Variants in SMOC2 observed in about 807,000 individuals in gnomAD.
SMOC2 encodes SPARC related modular calcium binding 2.
In SMOC2, 39 loss-of-function variants were observed where a neutral mutation model predicts 61.4. That is an observed-to-expected ratio of 0.64 (90% confidence interval 0.49 to 0.83). The LOEUF is 0.83. Among genes scored for constraint, SMOC2 ranks in the 40% least tolerant of loss-of-function variants. The probability of loss-of-function intolerance (pLI) is 0.00; values close to 1 mark genes in which losing one functional copy is unlikely to be tolerated. For synonymous variants in SMOC2, 247 were observed against 239.9 expected (o/e 1.03, Z -0.27); for missense variants, 556 against 592.9 (o/e 0.94, Z 0.65).
chr6:168,455,944 C>G (rs866106401), intron 1 of SMOC2, among the ~76,000 whole-genome samples: 1 of 152,224 alleles, frequency 6.6e-6, no homozygotes, highest in African/African-American at 2.4e-5. Context: ...GTCTTCACCT[C>G]ACTTCCCGAT....
chr6:168,650,719 G>T lies in SMOC2; in HGVS notation c.946G>T (p.Val316Phe). Reference protein sequence around the residue: ...GAKKHEFLTSVLDALSTDMVH... With the variant: ...GAKKHEFLTSFLDALSTDMVH... ...CAAAAAGCATGAGTTTCTGACCAGC[G>T]TTCTGGACGCGCTGTCCACGGACAT... The change falls in exon 10 of 13, where the codon GTT becomes TTT. Residue 316 changes from valine to phenylalanine, a missense_variant. Val to Phe is a conservative substitution (Grantham distance 50). Coordinates refer to ENST00000356284, the MANE Select transcript of SMOC2 (RefSeq NM_001166412.2). 6.2e-7 allele frequency: 1 copy of T among 1,613,736 alleles called. No individual in the cohort carries two copies. Among genetic ancestry groups the T allele is most frequent in the Non-Finnish European group, 8.5e-7 (1 of 1,179,972 alleles).
At position 168,553,263 on chromosome 6, in the gene SMOC2, A is replaced by G. The variant is rs946018940; in HGVS notation, c.637+4060A>G. On this transcript the variant is annotated intron_variant, in intron 7 of 12. Coordinates refer to ENST00000356284, the MANE Select transcript of SMOC2 (RefSeq NM_001166412.2). This position sits in a 1 kb window ranked among gnomAD's most constrained non-coding sequence, Gnocchi z 4.2. ...TAAAATCTGAAGTTGCCTGTTACTTAAAAGTGCATTACTCAGTTTTTCCCA... is the reference window on the plus strand; with the variant it reads ...TAAAATCTGAAGTTGCCTGTTACTTGAAAGTGCATTACTCAGTTTTTCCCA... Among the ~76,000 whole-genome samples, 5 of 152,234 alleles carry G rather than the reference A, an allele frequency of 3.3e-5. No homozygotes were observed. Among genetic ancestry groups the G allele is most frequent in the Non-Finnish European group, 5.9e-5 (4 of 68,044 alleles).
At position 168,608,599 on chromosome 6, in the gene SMOC2, A is replaced by G. The variant is rs534317049; in HGVS notation, c.907+360A>G. ...TTCATTCTACCTACATTTCACTGTC[A>G]CTTTCTGACATTCCTTTTTCACTGA... On this transcript the variant is annotated intron_variant, in intron 9 of 12. Transcript: ENST00000356284. Among the ~76,000 whole-genome samples, 16 of 152,358 alleles carry G rather than the reference A, an allele frequency of 1.1e-4. No homozygotes were observed. The East Asian group carries it at 2.9e-3, about 28-fold the overall frequency.
At chr6:168,648,691 G>C (rs1032106839) in intron 9 of SMOC2, among the ~76,000 whole-genome samples, 20 of 152,304 alleles carry the variant, frequency 1.3e-4, no homozygotes, top group East Asian at 9.7e-4. Context: ...TGTGTGCAAA[G>C]AGACTAACAC....
At position 168,653,234 on chromosome 6, in the gene SMOC2, A is replaced by C. The variant is rs1787243441; in HGVS notation, c.1285+6A>C. 5 of 1,610,044 alleles carry C rather than the reference A, an allele frequency of 3.1e-6. No individual in the cohort carries two copies. In the South Asian group the frequency reaches 5.5e-5, roughly 18 times the overall value. ...GGACACCAAGAAACGCCACAGTAAG[A>C]GCTTTCCCACCCCCGACCCTGGGCA... is the stretch of plus-strand genomic sequence containing the variant. On this transcript the variant is annotated splice_donor_region_variant and intron_variant, in intron 11 of 12. Transcript: ENST00000356284.
At chr6:168,632,192 A>C (rs889457183) in intron 9 of SMOC2, among the ~76,000 whole-genome samples, 1 of 152,242 alleles carries the variant, frequency 6.6e-6, no homozygotes, top group Non-Finnish European at 1.5e-5. Context: ...GAGTTGGTTA[A>C]TATTTAATGG....
At chr6:168,588,104 C>T (rs780323188) in intron 7 of SMOC2, among the ~76,000 whole-genome samples, 9 of 123,358 alleles carry the variant, frequency 7.3e-5, no homozygotes, top group Non-Finnish European at 1.3e-4. Flanking sequence ...AACCAGATCC[C>T]TGGAGCTCCC....
chr6:168,575,591 C>CA (rs1191924253), intron 7 of SMOC2, among the ~76,000 whole-genome samples: 1 of 152,142 alleles, frequency 6.6e-6, no homozygotes, highest in Non-Finnish European at 1.5e-5. Flanking sequence ...AAGGCGGAGC[C>CA]ATGCGAAGGG....
At chr6:168,638,724 G>A (rs371875008) in intron 9 of SMOC2, among the ~76,000 whole-genome samples, 6 of 152,192 alleles carry the variant, frequency 3.9e-5, no homozygotes, top group African/African-American at 1.4e-4. Flanking sequence ...GGGGTGGGCG[G>A]CTGACAGGTG....
chr6:168,512,924 A>C (rs2115055189), intron 2 of SMOC2, among the ~76,000 whole-genome samples: 1 of 152,374 alleles, frequency 6.6e-6, no homozygotes, highest in South Asian at 2.1e-4. Context: ...CACTTGGAAA[A>C]TGTGTGGAAG....
At chr6:168,447,605 G>T (rs1459938362) in intron 1 of SMOC2, among the ~76,000 whole-genome samples, 2 of 152,144 alleles carry the variant, frequency 1.3e-5, no homozygotes, top group Non-Finnish European at 2.9e-5. Context: ...GGGGGGAAAG[G>T]GGTAGGCAAA....
chr6:168,559,530 A>T (rs990619295), intron 7 of SMOC2, among the ~76,000 whole-genome samples: 3 of 152,172 alleles, frequency 2.0e-5, no homozygotes, highest in African/African-American at 7.2e-5. Flanking sequence ...TTTCACTGTG[A>T]TTCTGTTTCC....
chr6:168,604,950 C>A (rs1785649889), intron 8 of SMOC2, among the ~76,000 whole-genome samples: 1 of 152,124 alleles, frequency 6.6e-6, no homozygotes, highest in Non-Finnish European at 1.5e-5. Context: ...AAATTGGCAT[C>A]TTCGTCATTG....
chr6:168,659,802 G>A (rs1787453623), intron 11 of SMOC2, among the ~76,000 whole-genome samples: 1 of 151,828 alleles, frequency 6.6e-6, no homozygotes, highest in Non-Finnish European at 1.5e-5. Flanking sequence ...GAGGGTGGAG[G>A]TTGTAGATTG....
intron 9 of SMOC2, among the ~76,000 whole-genome samples, chr6:168,640,418 G>A (rs956902828): frequency 2.6e-5 from 4 of 152,166 alleles, no homozygotes; most frequent in Admixed American, 6.5e-5. Context: ...GACGCTGAGG[G>A]GCCCAGGCAG....
intron 1 of SMOC2, among the ~76,000 whole-genome samples, chr6:168,451,569 C>A (rs1408662455): frequency 6.7e-6 from 1 of 150,086 alleles, no homozygotes; most frequent in African/African-American, 2.5e-5. Flanking sequence ...CCAGGCAGCT[C>A]GCGCTCTCTC....
chr6:168,665,457 C>G (rs1000351367), intron 12 of SMOC2, among the ~76,000 whole-genome samples: 6 of 152,254 alleles, frequency 3.9e-5, no homozygotes, highest in African/African-American at 1.4e-4. Flanking sequence ...AACATAGTGC[C>G]AGCCAGCAAG....
chr6:168,490,359 C>A lies in SMOC2; in HGVS notation c.85-19556C>A, dbSNP rs531048741. On this transcript the variant is annotated intron_variant, in intron 1 of 12. Coordinates refer to ENST00000356284, the MANE Select transcript of SMOC2 (RefSeq NM_001166412.2). ...GAAGACAGAGACTCCAGCCATCATT[C>A]TTTCTTTGAAGGTCATGATATTTTC... 2.6e-4 allele frequency among the ~76,000 whole-genome samples: 40 copies of A among 152,330 alleles called. 1 individual carries two copies. The East Asian group carries it at 6.4e-3, about 24-fold the overall frequency.
At chr6:168,576,834 C>G (rs1784814957) in intron 7 of SMOC2, among the ~76,000 whole-genome samples, 1 of 152,046 alleles carries the variant, frequency 6.6e-6, no homozygotes, top group Admixed American at 6.5e-5. Context: ...ATCCCTAAAT[C>G]TAGTTTACAT....
Sources: gnomAD v4.1 joint callset for allele counts (sites outside exome capture counted in the v4.1 genomes callset) on GRCh38, gnomAD v4.1.1 for gene constraint, Gnocchi (gnomAD v3.1) non-coding constraint, MANE v1.5 for transcripts, NCBI Gene and HGNC (gene_info 2026-07-23, HGNC 2026-07-21) for gene names.